TRPC1: variants seen among roughly 807,000 people sequenced by gnomAD.
The protein encoded by TRPC1 is short transient receptor potential channel 1.
A neutral mutation model predicts 88.2 loss-of-function variants in TRPC1; 42 were observed. The observed-to-expected ratio is 0.48, with a 90% CI of 0.37 to 0.62. TRPC1 has a LOEUF of 0.62. Ranked by LOEUF, TRPC1 falls within the 20% of genes least tolerant of loss-of-function variation. The pLI is 0.00. For synonymous variants in TRPC1, 288 were observed against 331.8 expected (o/e 0.87, Z 1.43); for missense variants, 699 against 957.3 (o/e 0.73, Z 3.56).
chr3:142,763,981 T>TATATATATATATATATATATATATATAC lies in TRPC1; in HGVS notation c.633-13648_633-13647insTATATATATATATATATATATATACATA, dbSNP rs1162744315. Among the ~76,000 whole-genome samples the TATATATATATATATATATATATATATAC allele has an allele frequency of 2.6e-3, 163 of 62,508 alleles. 1 individual carries two copies. Among genetic ancestry groups the TATATATATATATATATATATATATATAC allele is most frequent in the Non-Finnish European group, 2.9e-3 (103 of 35,794 alleles). 41.0% of individuals were successfully genotyped at this position (62,508 alleles called of 152,430 possible). ...AGAAATATATATATATATATATATA[T>TATATATATATATATATATATATATATAC]ATACACATACATACATACATATATA... is the stretch of plus-strand genomic sequence containing the variant. On this transcript the variant is annotated intron_variant, in intron 4 of 12. Transcript: ENST00000476941.
chr3:142,783,012 C>T (rs925792979), intron 6 of TRPC1, among the ~76,000 whole-genome samples: 1 of 152,196 alleles, frequency 6.6e-6, no homozygotes, highest in Non-Finnish European at 1.5e-5. Context: ...TTAGAATCTA[C>T]TAGTTAAATC....
At chr3:142,788,585 TA>T (rs1359009304) in intron 7 of TRPC1, among the ~76,000 whole-genome samples, 2 of 152,034 alleles carry the variant, frequency 1.3e-5, no homozygotes, top group Non-Finnish European at 2.9e-5. Context: ...GAGCTTGAGT[TA>T]GAAAGGTATG....
At position 142,807,609 on chromosome 3, in the gene TRPC1, T is replaced by TTA. The variant is rs1324295330; in HGVS notation, c.*1376_*1377dup. On this transcript the variant is annotated 3_prime_UTR_variant, in exon 13 of 13. Transcript: ENST00000476941. Reference sequence around the variant, plus strand: ...TTTGTTTCATCTTGCTTTTGCATTTTTATTTTTTAATTTCCAAATTTTAAG... The same window carrying TTA: ...TTTGTTTCATCTTGCTTTTGCATTTTTATATTTTTTAATTTCCAAATTTTAAG... 6.6e-6 allele frequency: 1 copy of TTA among 152,248 alleles called. No individual in the cohort carries two copies. The highest frequency in any genetic ancestry group is 1.9e-4 in the East Asian group (1 of 5,200). The allele number at this position is 152,248 out of a possible 1,614,324, so 9.4% of individuals were successfully genotyped here.
chr3:142,792,836 G>T lies in TRPC1; in HGVS notation c.1450G>T (p.Ala484Ser). 1 of 1,582,482 alleles carries T rather than the reference G, an allele frequency of 6.3e-7. No homozygotes were observed. The highest frequency in any genetic ancestry group is 8.6e-7 in the Non-Finnish European group (1 of 1,166,422). The change falls in exon 9 of 13, where the codon GCT becomes TCT. Residue 484 changes from alanine (A) to serine (S), a missense_variant. Ala to Ser is a moderately conservative substitution (Grantham distance 99). This residue lies in a region of TRPC1 where 426 missense variants were observed against 641.3 expected (regional missense o/e 0.66). Transcript: ENST00000476941. This position sits in a 1 kb window ranked among gnomAD's most constrained non-coding sequence, Gnocchi z 4.0. ...VVAHNKFHDF[A>S]DRKDWDAFHP... ...TTCCTAACCTTAGTTTCATGATTTTGCTGATCGGAAGGATTGGGATGCATT... is the reference window on the plus strand; with the variant it reads ...TTCCTAACCTTAGTTTCATGATTTTTCTGATCGGAAGGATTGGGATGCATT...
At chr3:142,753,582 T>G (rs558409434) in intron 4 of TRPC1, among the ~76,000 whole-genome samples, 21 of 151,938 alleles carry the variant, frequency 1.4e-4, no homozygotes, top group African/African-American at 5.1e-4. Flanking sequence ...CTGGCCAACT[T>G]GGTGAAACCT....
Position 142,777,618 on chromosome 3 carries a change from C to A in TRPC1, c.633-14C>A. 6.5e-7 allele frequency: 1 copy of A among 1,549,624 alleles called. No individual in the cohort carries two copies. Among genetic ancestry groups the A allele is most frequent in the Non-Finnish European group, 8.7e-7 (1 of 1,146,084 alleles). On this transcript the variant is annotated splice_polypyrimidine_tract_variant and intron_variant, in intron 4 of 12. Transcript: ENST00000476941. ...TAAGTTTATTTTACATTATGGAATC[C>A]AATTTTATCACAGGTTTCGTCTTGA... is the stretch of plus-strand genomic sequence containing the variant.
intron 4 of TRPC1, among the ~76,000 whole-genome samples, chr3:142,775,191 T>TA (rs1935723989): frequency 6.6e-6 from 1 of 152,160 alleles, no homozygotes; most frequent in African/African-American, 2.4e-5. Flanking sequence ...TAAAAATGCA[T>TA]TATATGGGAT....
At position 142,736,488 on chromosome 3, in the gene TRPC1, C is replaced by T. The variant is rs770645332; in HGVS notation, c.282C>T (p.Asn94=). The change falls in exon 2 of 13, where the codon AAC becomes AAT. Residue 94 remains asparagine, a synonymous_variant. Coordinates refer to ENST00000476941, the MANE Select transcript of TRPC1 (RefSeq NM_001251845.2). The stretch of plus-strand genomic sequence containing the variant: ...ATGCTGTTACCATAACTATTGAAAA[C>T]GAAAACTTGGATATACTGCAGCTTC... ...GRNAVTITIE[N]ENLDILQLLL... is the part of the protein sequence containing the mutation. 72 of 1,611,692 alleles carry T rather than the reference C, an allele frequency of 4.5e-5. No individual in the cohort carries two copies. Among genetic ancestry groups the T allele is most frequent in the Middle Eastern group, 1.7e-4 (1 of 6,056 alleles).
intron 5 of TRPC1, among the ~76,000 whole-genome samples, chr3:142,778,532 G>A (rs1170639198): frequency 6.6e-6 from 1 of 152,114 alleles, no homozygotes; most frequent in African/African-American, 2.4e-5. Flanking sequence ...AGAAAGCGTT[G>A]AGATTTTCCT....
chr3:142,745,255 C>T (rs141213437), intron 3 of TRPC1, among the ~76,000 whole-genome samples: 3 of 152,330 alleles, frequency 2.0e-5, no homozygotes, highest in Admixed American at 1.3e-4. Context: ...ATCTTCTAGC[C>T]TTTTAGTCCA....
chr3:142,783,430 C>T (rs1395189398), intron 6 of TRPC1, among the ~76,000 whole-genome samples: 1 of 152,228 alleles, frequency 6.6e-6, no homozygotes, highest in African/African-American at 2.4e-5. Flanking sequence ...ATAACATACA[C>T]ACATCTTCCC....
intron 3 of TRPC1, among the ~76,000 whole-genome samples, chr3:142,747,557 C>T (rs1165197411): frequency 6.6e-6 from 1 of 152,164 alleles, no homozygotes; most frequent in Non-Finnish European, 1.5e-5. Flanking sequence ...GGCACATTAA[C>T]TTCTCTGAGC....
chr3:142,787,850 A>G (rs1326092385), intron 7 of TRPC1, among the ~76,000 whole-genome samples: 1 of 152,206 alleles, frequency 6.6e-6, no homozygotes, highest in African/African-American at 2.4e-5. Flanking sequence ...TGAGGAAGTA[A>G]TAAGTGAGCT....
chr3:142,743,430 A>G (rs1232937689), intron 2 of TRPC1, 55 bp from the exon 3 acceptor site: 4 of 1,234,604 alleles, frequency 3.2e-6, no homozygotes, highest in South Asian at 1.5e-5. Context: ...AGTAAAAAGA[A>G]GTAGTTTACC....
At chr3:142,735,303 T>A (rs2108018670) in intron 1 of TRPC1, among the ~76,000 whole-genome samples, 1 of 152,346 alleles carries the variant, frequency 6.6e-6, no homozygotes, top group African/African-American at 2.4e-5. Flanking sequence ...CTCACTTATT[T>A]AGCCCAGTTT....
chr3:142,750,770 A>G (rs947590841), intron 4 of TRPC1, among the ~76,000 whole-genome samples: 6 of 152,306 alleles, frequency 3.9e-5, no homozygotes, highest in African/African-American at 1.2e-4. Context: ...TTGCAGGGAC[A>G]TGGATGAAAC....
chr3:142,767,606 AT>A lies in TRPC1; in HGVS notation c.633-10025del, dbSNP rs1334075594. Among the ~76,000 whole-genome samples, 2 of 148,278 alleles carry A rather than the reference AT, an allele frequency of 1.3e-5. No homozygotes were observed. Among genetic ancestry groups the A allele is most frequent in the African/African-American group, 4.9e-5 (2 of 40,864 alleles). On this transcript the variant is annotated intron_variant, in intron 4 of 12. Coordinates refer to ENST00000476941, the MANE Select transcript of TRPC1 (RefSeq NM_001251845.2). This position sits in a 1 kb window ranked among gnomAD's most constrained non-coding sequence, Gnocchi z 5.1. Reference sequence around the variant, plus strand: ...AATATATTATATATAAATAAATTATATATCTTTATATATCATATCATTTATA... The same window carrying A: ...AATATATTATATATAAATAAATTATAATCTTTATATATCATATCATTTATA...
At position 142,781,147 on chromosome 3, in the gene TRPC1, T is replaced by G. The variant is rs1235246601; in HGVS notation, c.960+118T>G. ...GATCCTAGTTCTGCTTCCTAAAAAT[T>G]GTGTGTCTTGGGATAGTTATTGAAT... On this transcript the variant is annotated intron_variant, in intron 6 of 12. Transcript: ENST00000476941. 6.5e-6 allele frequency: 5 copies of G among 769,754 alleles called. No homozygotes were observed. The East Asian group carries it at 1.5e-4, about 23-fold the overall frequency. 47.7% of individuals were successfully genotyped at this position (769,754 alleles called of 1,614,324 possible).
chr3:142,777,761 C>G lies in TRPC1; in HGVS notation c.762C>G (p.Phe254Leu). 6.2e-7 allele frequency: 1 copy of G among 1,605,128 alleles called. No individual in the cohort carries two copies. Among genetic ancestry groups the G allele is most frequent in the South Asian group, 1.1e-5 (1 of 89,012 alleles). The change falls in exon 5 of 13, where the codon TTC (phenylalanine) becomes TTG (leucine). Residue 254 changes from phenylalanine to leucine, a missense_variant and splice_region_variant. By Grantham distance (22) the Phe-to-Leu change is conservative. This residue lies in a region of TRPC1 where 426 missense variants were observed against 641.3 expected (regional missense o/e 0.66). Transcript: ENST00000476941. ...AACTAAGTCTTGTGGAGGTGGAATT[C>G]AGGTGGGAATGAATGCAAATTATAT... ...LKELSLVEVEFRNDYEELARQ... is the reference protein window; with the variant it reads ...LKELSLVEVELRNDYEELARQ...
Sources: allele counts gnomAD v4.1 joint callset (sites outside exome capture counted in the v4.1 genomes callset), GRCh38; gene constraint gnomAD v4.1.1; regional missense constraint gnomAD v4.1.1; non-coding constraint Gnocchi (gnomAD v3.1); transcripts MANE v1.5; gene names NCBI Gene and HGNC (gene_info 2026-07-23, HGNC 2026-07-21).